PCSK5: variants seen among roughly 807,000 people sequenced by gnomAD.
The protein encoded by PCSK5 is proprotein convertase subtilisin/kexin type 5.
Under a neutral mutation model 233.2 loss-of-function variants are expected in PCSK5, and 129 were observed. The ratio of observed to expected loss-of-function variants is 0.55; its 90% CI spans 0.48 to 0.64. The LOEUF (loss-of-function observed/expected upper bound fraction) is 0.64. Ranked by LOEUF, PCSK5 falls within the 30% of genes least tolerant of loss-of-function variation. PCSK5 has a pLI of 0.00. For synonymous variants in PCSK5, 825 were observed against 879.2 expected, an observed-to-expected ratio of 0.94 and a Z score of 1.09; for missense variants, 2,076 against 2,430.1, an observed-to-expected ratio of 0.85 and a Z score of 3.06.
At chr9:75,945,511 T>C (rs1484046011) in intron 2 of PCSK5, among the ~76,000 whole-genome samples, 4 of 152,338 alleles carry the variant, frequency 2.6e-5, no homozygotes, top group African/African-American at 9.6e-5. Context: ...CCACCATCAG[T>C]GTTGACCTGT....
chr9:75,975,412 G>A (rs913345203), intron 2 of PCSK5, among the ~76,000 whole-genome samples: 1 of 152,168 alleles, frequency 6.6e-6, no homozygotes, highest in Non-Finnish European at 1.5e-5. Context: ...GCAAGATGCT[G>A]ACATGCTTTT....
chr9:76,027,002 C>T lies in PCSK5; in HGVS notation c.597C>T (p.Asp199=). The T allele has an allele frequency of 6.2e-7, 1 of 1,609,200 alleles. No homozygotes were observed. The highest frequency in any genetic ancestry group is 8.5e-7 in the Non-Finnish European group (1 of 1,177,390). Residue 199 remains aspartate (D), a synonymous_variant, in exon 5 of 38, where the codon GAC becomes GAT. Transcript: ENST00000674117. ...GCGACGTGAATGGGAATGACTTGGA[C>T]CCAATGCCTCGTTATGATGCAAGCA... is the stretch of plus-strand genomic sequence containing the variant. ...ASCDVNGNDL[D]PMPRYDASNE...
intron 1 of PCSK5, among the ~76,000 whole-genome samples, chr9:75,931,819 A>C (rs1823816506): frequency 6.6e-6 from 1 of 152,174 alleles, no homozygotes; most frequent in Non-Finnish European, 1.5e-5. Flanking sequence ...AGATATTGCG[A>C]TTTTACTTTT....
chr9:75,947,339 G>C (rs185291995), intron 2 of PCSK5, among the ~76,000 whole-genome samples: 2 of 152,262 alleles, frequency 1.3e-5, no homozygotes, highest in East Asian at 3.9e-4. Context: ...GTAGAGTCAG[G>C]ATAGAAAATA....
intron 14 of PCSK5, among the ~76,000 whole-genome samples, chr9:76,175,769 TA>T (rs528405436): frequency 6.6e-6 from 1 of 151,912 alleles, no homozygotes; most frequent in African/African-American, 2.4e-5. Context: ...GAAAAAAAAG[TA>T]AAAAAAAGAA....
At chr9:76,351,327 T>C (rs912789839) in intron 36 of PCSK5, among the ~76,000 whole-genome samples, 13 of 151,874 alleles carry the variant, frequency 8.6e-5, no homozygotes, top group Admixed American at 5.9e-4. Context: ...CAGCTAATGT[T>C]GGTCTTTTGC....
At chr9:75,892,569 G>C (rs1198097047) in intron 1 of PCSK5, among the ~76,000 whole-genome samples, 4 of 152,212 alleles carry the variant, frequency 2.6e-5, no homozygotes, top group Non-Finnish European at 5.9e-5. Context: ...CTCTGCCAGG[G>C]GGAAGGGAGA....
At chr9:76,107,412 C>A in intron 9 of PCSK5, 61 bp downstream of exon 9, 1 of 1,063,522 alleles carries the variant, frequency 9.4e-7, no homozygotes, top group Non-Finnish European at 1.4e-6. Flanking sequence ...GGAAAACGTA[C>A]CCCTTCCCTT....
At chr9:76,203,229 C>T (rs1773701706) in intron 20 of PCSK5, among the ~76,000 whole-genome samples, 1 of 152,030 alleles carries the variant, frequency 6.6e-6, no homozygotes. Flanking sequence ...GGCACAAACT[C>T]ATTAAAGCCA....
chr9:76,065,999 G>C (rs781251624), intron 5 of PCSK5, among the ~76,000 whole-genome samples: 2 of 152,056 alleles, frequency 1.3e-5, no homozygotes, highest in Non-Finnish European at 2.9e-5. Context: ...ATTCTGTTCT[G>C]TTGGTCAGTG....
intron 12 of PCSK5, among the ~76,000 whole-genome samples, chr9:76,162,205 GGC>G (rs1822892035): frequency 6.6e-6 from 1 of 152,188 alleles, no homozygotes; most frequent in Non-Finnish European, 1.5e-5. Context: ...CACCTTCCAA[GGC>G]CTGGCTCCCC....
At chr9:76,163,869 T>G (rs75979911) in intron 12 of PCSK5, among the ~76,000 whole-genome samples, 28,681 of 141,712 alleles carry the variant, frequency 0.2, 3,070 homozygotes, top group South Asian at 0.23. Context: ...CTTTTTTTTT[T>G]TTTTTTTTTT....
chr9:75,956,092 C>G (rs906062925), intron 2 of PCSK5, among the ~76,000 whole-genome samples: 1 of 152,218 alleles, frequency 6.6e-6, no homozygotes, highest in African/African-American at 2.4e-5. Flanking sequence ...GTCATTCCTG[C>G]TGGCTGCAGC....
intron 2 of PCSK5, among the ~76,000 whole-genome samples, chr9:75,935,446 G>A (rs1824012769): frequency 6.6e-6 from 1 of 152,114 alleles, no homozygotes; most frequent in African/African-American, 2.4e-5. Flanking sequence ...CAGATATGAT[G>A]CGCCTTCAAT....
At chr9:76,295,508 C>A in intron 26 of PCSK5, 97 bp downstream of exon 26, 1 of 1,128,594 alleles carries the variant, frequency 8.9e-7, no homozygotes, top group Non-Finnish European at 1.3e-6. Context: ...GTTTCAGAGT[C>A]TGTGCGTGTG....
intron 23 of PCSK5, among the ~76,000 whole-genome samples, chr9:76,239,550 G>T (rs1826363463): frequency 6.6e-6 from 1 of 151,818 alleles, no homozygotes; most frequent in African/African-American, 2.4e-5. Context: ...ACAAAAATTA[G>T]CCAGGCTTGG....
intron 1 of PCSK5, among the ~76,000 whole-genome samples, chr9:75,896,862 T>G (rs1452275679): frequency 6.6e-6 from 1 of 152,166 alleles, no homozygotes; most frequent in Non-Finnish European, 1.5e-5. Flanking sequence ...TCATGAGTGT[T>G]CTCACTAGTT....
intron 3 of PCSK5, among the ~76,000 whole-genome samples, chr9:76,019,487 T>C (rs1828090040): frequency 1.3e-5 from 2 of 152,192 alleles, no homozygotes; most frequent in Non-Finnish European, 2.9e-5. Flanking sequence ...TGTTAGCAGA[T>C]TATTGACAGC....
intron 30 of PCSK5, among the ~76,000 whole-genome samples, chr9:76,314,388 C>A (rs5898470): frequency 0.15 from 12,764 of 86,888 alleles, 673 homozygotes; most frequent in African/African-American, 0.31. Flanking sequence ...TAAACACACA[C>A]AAAAAAAGAA....
Sources: gnomAD v4.1 joint callset for allele counts (sites outside exome capture counted in the v4.1 genomes callset) on GRCh38, gnomAD v4.1.1 for gene constraint, MANE v1.5 for transcripts, NCBI Gene and HGNC (gene_info 2026-07-23, HGNC 2026-07-21) for gene names.